CDH6: variants seen among roughly 807,000 people sequenced by gnomAD.
CDH6 encodes cadherin-6.
A neutral mutation model predicts 78.0 loss-of-function variants in CDH6; 31 were observed. The ratio of observed to expected loss-of-function variants is 0.40; its 90% confidence interval spans 0.30 to 0.54. The LOEUF is 0.54. Ranked by LOEUF, CDH6 falls within the 20% of genes least tolerant of loss-of-function variation. CDH6 has a pLI of 0.56. For synonymous variants in CDH6, 376 were observed against 368.8 expected (o/e 1.02, Z -0.23); for missense variants, 724 against 975.9 (o/e 0.74, Z 3.44).
intron 1 of CDH6, among the ~76,000 whole-genome samples, chr5:31,199,516 A>G (rs115127391): frequency 0.2 from 23,802 of 116,522 alleles, 2,178 homozygotes; most frequent in East Asian, 0.28. Context: ...ATATATATGT[A>G]CACACACATA....
intron 1 of CDH6, among the ~76,000 whole-genome samples, chr5:31,256,398 G>A (rs1742054742): frequency 6.6e-6 from 1 of 152,114 alleles, no homozygotes; most frequent in African/African-American, 2.4e-5. Flanking sequence ...ATTCCCTCTG[G>A]CTCGGAACTT....
Position 31,199,552 on chromosome 5 carries a change from A to ATG in CDH6, c.-129+5670_-129+5671dup, listed in dbSNP as rs1219587890. ...TGTGTATATATATGTATACACACAT[A>ATG]TGTGTATATATATGCTCAGAGCATA... On this transcript the variant is annotated intron_variant, in intron 1 of 11. Coordinates refer to ENST00000265071, the MANE Select transcript of CDH6 (RefSeq NM_004932.4). 2.0e-5 allele frequency among the ~76,000 whole-genome samples: 3 copies of ATG among 147,068 alleles called. No individual in the cohort carries two copies. In the South Asian group the frequency reaches 6.4e-4, roughly 31 times the overall value.
At chr5:31,244,726 A>G (rs916344346) in intron 1 of CDH6, among the ~76,000 whole-genome samples, 2 of 152,184 alleles carry the variant, frequency 1.3e-5, no homozygotes, top group African/African-American at 4.8e-5. Context: ...GCCTCGAGGA[A>G]CAAGGTGGCC....
chr5:31,253,113 A>G (rs1416247917), intron 1 of CDH6, among the ~76,000 whole-genome samples: 1 of 152,220 alleles, frequency 6.6e-6, no homozygotes, highest in Non-Finnish European at 1.5e-5. Flanking sequence ...TTCCTGATTC[A>G]TGGACTATCT....
At chr5:31,202,709 A>T (rs1273452885) in intron 1 of CDH6, among the ~76,000 whole-genome samples, 1 of 151,576 alleles carries the variant, frequency 6.6e-6, no homozygotes, top group Non-Finnish European at 1.5e-5. Context: ...ATATACATAC[A>T]TGCGTATATA....
intron 2 of CDH6, among the ~76,000 whole-genome samples, chr5:31,273,163 G>A (rs1401819867): frequency 1.3e-5 from 2 of 152,142 alleles, no homozygotes; most frequent in Non-Finnish European, 2.9e-5. Context: ...TAAACATGAA[G>A]CAATATTTTA....
chr5:31,218,781 C>T (rs1740932594), intron 1 of CDH6, among the ~76,000 whole-genome samples: 1 of 152,170 alleles, frequency 6.6e-6, no homozygotes, highest in Admixed American at 6.5e-5. Context: ...GGGTCTAACA[C>T]AGGGTCATCT....
chr5:31,322,784 T>C (rs1485568820), intron 11 of CDH6, 34 bp from the exon 12 acceptor site: 1 of 1,582,302 alleles, frequency 6.3e-7, no homozygotes, highest in African/African-American at 1.4e-5. Flanking sequence ...AAATTAACTT[T>C]TCCTTCCCTT....
At chr5:31,217,666 T>C (rs958818473) in intron 1 of CDH6, among the ~76,000 whole-genome samples, 1 of 152,042 alleles carries the variant, frequency 6.6e-6, no homozygotes, top group African/African-American at 2.4e-5. Context: ...AATGGTTAGG[T>C]GGCGAGGTAA....
At chr5:31,214,061 G>C (rs1409112493) in intron 1 of CDH6, among the ~76,000 whole-genome samples, 1 of 151,668 alleles carries the variant, frequency 6.6e-6, no homozygotes, top group Non-Finnish European at 1.5e-5. Context: ...CAACTGGGGA[G>C]GGCCTGTGTT....
intron 1 of CDH6, among the ~76,000 whole-genome samples, chr5:31,230,884 G>T (rs1464033323): frequency 6.6e-6 from 1 of 152,154 alleles, no homozygotes; most frequent in Non-Finnish European, 1.5e-5. Flanking sequence ...TGAATGAAAA[G>T]ATTAGTGTGA....
Position 31,294,054 on chromosome 5 carries a change from A to G in CDH6, c.321A>G (p.Thr107=). Residue 107 remains threonine, a synonymous_variant, in exon 3 of 12, where the codon ACA becomes ACG. Coordinates refer to ENST00000265071, the MANE Select transcript of CDH6 (RefSeq NM_004932.4). This position sits in a 1 kb window ranked among gnomAD's most constrained non-coding sequence, Gnocchi z 4.1. The part of the protein sequence containing the change: ...AGDLFIINEN[T]GDIQATKRLD... The stretch of plus-strand genomic sequence containing the variant: ...ATCTCTTCATTATTAATGAAAACAC[A>G]GGCGACATACAGGCCACCAAGAGGC... 1 of 1,613,826 alleles carries G rather than the reference A, an allele frequency of 6.2e-7. No homozygotes were observed. The highest frequency in any genetic ancestry group is 2.2e-5 in the East Asian group (1 of 44,872).
At chr5:31,263,951 G>T (rs956694589) in intron 1 of CDH6, among the ~76,000 whole-genome samples, 1 of 152,034 alleles carries the variant, frequency 6.6e-6, no homozygotes, top group Non-Finnish European at 1.5e-5. Context: ...AAATCTTAAC[G>T]TAATAAAATG....
chr5:31,291,808 C>A (rs1393650982), intron 2 of CDH6, among the ~76,000 whole-genome samples: 2 of 152,172 alleles, frequency 1.3e-5, no homozygotes, highest in African/African-American at 4.8e-5. Flanking sequence ...TTAGCATATC[C>A]CATCACTCAA....
intron 1 of CDH6, among the ~76,000 whole-genome samples, chr5:31,259,618 A>G (rs1354931734): frequency 6.6e-6 from 1 of 152,228 alleles, no homozygotes; most frequent in East Asian, 1.9e-4. Flanking sequence ...CTTTCCTACA[A>G]TTCTGCAACC....
intron 11 of CDH6, chr5:31,318,297 G>A: frequency 4.5e-6 from 2 of 449,116 alleles, no homozygotes; most frequent in South Asian, 5.0e-5. Flanking sequence ...GTATGATGAG[G>A]GCCCTTTCTA....
intron 4 of CDH6, among the ~76,000 whole-genome samples, chr5:31,299,128 C>G (rs1353757670): frequency 6.6e-6 from 1 of 152,146 alleles, no homozygotes; most frequent in Non-Finnish European, 1.5e-5. Context: ...TTAGATTCTG[C>G]TGTGTCATCT....
At chr5:31,303,777 T>A (rs1322777163) in intron 6 of CDH6, among the ~76,000 whole-genome samples, 2 of 152,196 alleles carry the variant, frequency 1.3e-5, no homozygotes, top group East Asian at 3.8e-4. Flanking sequence ...TCCCAAGCTT[T>A]GGATTACGTG....
intron 1 of CDH6, among the ~76,000 whole-genome samples, chr5:31,234,303 C>T (rs1045371267): frequency 6.6e-6 from 1 of 152,148 alleles, no homozygotes; most frequent in Non-Finnish European, 1.5e-5. Flanking sequence ...CTGTAAATTT[C>T]TATAAACTGG....
Sources: allele counts gnomAD v4.1 joint callset (sites outside exome capture counted in the v4.1 genomes callset), GRCh38; gene constraint gnomAD v4.1.1; non-coding constraint Gnocchi (gnomAD v3.1); transcripts MANE v1.5; gene names NCBI Gene and HGNC (gene_info 2026-07-23, HGNC 2026-07-21).